Variants in IGSF11 observed in about 807,000 individuals in gnomAD.
The protein encoded by IGSF11 is immunoglobulin superfamily member 11, also known as CXADR like 1.
Under a neutral mutation model 41.0 loss-of-function variants are expected in IGSF11, and 22 were observed. That is an observed-to-expected ratio of 0.54 (90% CI 0.38 to 0.77). The LOEUF is 0.77. Among genes scored for constraint, IGSF11 ranks in the 30% least tolerant of loss-of-function variants. The pLI, the probability that IGSF11 is intolerant of heterozygous loss-of-function variation, is 0.00. For synonymous variants in IGSF11, 219 were observed against 201.3 expected (o/e 1.09, Z -0.74); for missense variants, 444 against 530.8 (o/e 0.84, Z 1.61).
upstream of IGSF11, among the ~76,000 whole-genome samples, chr3:119,038,999 A>G (rs12628991): frequency 0.17 from 26,551 of 152,176 alleles, 2,822 homozygotes; most frequent in South Asian, 0.29. Context: ...AAGGCTGCAC[A>G]AAGGAAGGAA....
intron 1 of IGSF11, among the ~76,000 whole-genome samples, chr3:118,995,442 T>G (rs1435733639): frequency 1.3e-5 from 2 of 152,150 alleles, no homozygotes; most frequent in African/African-American, 4.8e-5. Context: ...AAGAGAGGTA[T>G]TAATAATAAC....
intron 1 of IGSF11, among the ~76,000 whole-genome samples, chr3:118,986,255 C>A (rs1935246871): frequency 6.6e-6 from 1 of 152,150 alleles, no homozygotes; most frequent in African/African-American, 2.4e-5. Flanking sequence ...GCAGAGGAAC[C>A]AGTCATGCCT....
At chr3:118,993,332 A>T (rs1185460496) in intron 1 of IGSF11, among the ~76,000 whole-genome samples, 1 of 152,246 alleles carries the variant, frequency 6.6e-6, no homozygotes, top group Non-Finnish European at 1.5e-5. Flanking sequence ...TTTCAAATCC[A>T]TTAGAATGGC....
At chr3:119,007,376 T>C (rs1576626574) in intron 1 of IGSF11, among the ~76,000 whole-genome samples, 1 of 145,546 alleles carries the variant, frequency 6.9e-6, no homozygotes, top group African/African-American at 2.7e-5. Flanking sequence ...CACTCCCTAG[T>C]GAGATGAACC....
At chr3:119,042,728 A>G (rs1352508683) in intron 1 of IGSF11, among the ~76,000 whole-genome samples, 1 of 152,176 alleles carries the variant, frequency 6.6e-6, no homozygotes, top group African/African-American at 2.4e-5. Context: ...TGAGAGCTCT[A>G]TGGCCCTACC....
intron 1 of IGSF11, among the ~76,000 whole-genome samples, chr3:119,057,149 A>G (rs1473719909): frequency 6.6e-6 from 1 of 152,214 alleles, no homozygotes; most frequent in African/African-American, 2.4e-5. Context: ...AAGGAAATAA[A>G]GGGTATTCAA....
intron 1 of IGSF11, among the ~76,000 whole-genome samples, chr3:118,951,718 CTTATA>C (rs1359280556): frequency 6.6e-6 from 1 of 152,100 alleles, no homozygotes; most frequent in Non-Finnish European, 1.5e-5. Flanking sequence ...GCTTAAGTCT[CTTATA>C]TAAGATGGTA....
intron 1 of IGSF11, among the ~76,000 whole-genome samples, chr3:118,978,193 G>T (rs890912665): frequency 6.6e-6 from 1 of 152,098 alleles, no homozygotes; most frequent in Non-Finnish European, 1.5e-5. Context: ...ACTGCCCGTG[G>T]CACCTGAGCA....
chr3:119,107,503 G>GT (rs1159432533), upstream of IGSF11, among the ~76,000 whole-genome samples: 7 of 152,172 alleles, frequency 4.6e-5, no homozygotes, highest in Non-Finnish European at 7.4e-5. Context: ...TGTCAGGTGA[G>GT]TAGGTTGCGA....
At chr3:119,058,358 A>C (rs1323192088) in intron 1 of IGSF11, among the ~76,000 whole-genome samples, 2 of 152,302 alleles carry the variant, frequency 1.3e-5, no homozygotes, top group East Asian at 1.9e-4. Context: ...ATGCAGCCAA[A>C]AGACACATGA....
intron 1 of IGSF11, among the ~76,000 whole-genome samples, chr3:119,058,975 G>T (rs1233634457): frequency 5.3e-5 from 8 of 151,810 alleles, no homozygotes; most frequent in African/African-American, 1.7e-4. Context: ...GGACTGTTGT[G>T]GGGTGGGGGG....
intron 1 of IGSF11, among the ~76,000 whole-genome samples, chr3:119,030,724 T>C (rs139599921): frequency 1.6e-4 from 24 of 152,242 alleles, no homozygotes; most frequent in Admixed American, 5.9e-4. Context: ...CAAGAGAAGA[T>C]TTCAGATCCT....
chr3:119,073,114 C>G (rs548607459), intron 1 of IGSF11, among the ~76,000 whole-genome samples: 21 of 151,962 alleles, frequency 1.4e-4, no homozygotes, highest in Non-Finnish European at 1.9e-4. Flanking sequence ...TGTTTATAAA[C>G]CTTGAGCTAG....
At position 118,930,149 on chromosome 3, in the gene IGSF11, A is replaced by G; in HGVS notation, c.179T>C (p.Met60Thr). 1 of 1,613,918 alleles carries G rather than the reference A, an allele frequency of 6.2e-7. No homozygotes were observed. The highest frequency in any genetic ancestry group is 1.1e-5 in the South Asian group (1 of 91,028). ...AALINLNVIW[M>T]VTPLSNANQP... The stretch of plus-strand genomic sequence containing the variant: ...GTTGGCATTGGAGAGAGGAGTGACC[A>G]TCCAAATGACATTGAGGTTAATGAG... The change falls in exon 2 of 7, where the codon ATG (methionine) becomes ACG (threonine). Residue 60 changes from methionine to threonine, a missense_variant. Physicochemically the swap from Met to Thr is moderately conservative, Grantham distance 81 (BLOSUM62 -1). This residue lies in a region of IGSF11 where 193 missense variants were observed against 283.5 expected (regional missense o/e 0.68). Coordinates refer to ENST00000393775, the MANE Select transcript of IGSF11 (RefSeq NM_001015887.3).
At chr3:119,000,308 T>G (rs1157804161) in intron 1 of IGSF11, among the ~76,000 whole-genome samples, 1 of 150,650 alleles carries the variant, frequency 6.6e-6, no homozygotes, top group East Asian at 1.9e-4. Flanking sequence ...CACTCTTGAT[T>G]CACAAACTTA....
intron 1 of IGSF11, among the ~76,000 whole-genome samples, chr3:119,016,962 T>A (rs986309737): frequency 5.9e-5 from 8 of 135,606 alleles, no homozygotes; most frequent in Admixed American, 4.8e-4. Flanking sequence ...GGAAGAAGAT[T>A]AAACAAATAG....
At chr3:118,921,917 C>A (rs960526853) in intron 4 of IGSF11, among the ~76,000 whole-genome samples, 6 of 151,846 alleles carry the variant, frequency 4.0e-5, no homozygotes, top group African/African-American at 1.5e-4. Context: ...CATCATGATG[C>A]CCAACTTATT....
chr3:118,934,093 G>T (rs1190920867), intron 1 of IGSF11, among the ~76,000 whole-genome samples: 1 of 152,138 alleles, frequency 6.6e-6, no homozygotes, highest in South Asian at 2.1e-4. Flanking sequence ...GTCCTCACCA[G>T]GGAGGCCCTA....
At chr3:118,987,888 T>C (rs954018497) in intron 1 of IGSF11, among the ~76,000 whole-genome samples, 6 of 152,240 alleles carry the variant, frequency 3.9e-5, no homozygotes, top group African/African-American at 1.4e-4. Context: ...AACTTTCATC[T>C]GTTTTACACA....
Sources: gnomAD v4.1 joint callset for allele counts (sites outside exome capture counted in the v4.1 genomes callset) on GRCh38, gnomAD v4.1.1 for gene constraint, gnomAD v4.1.1 regional missense constraint, MANE v1.5 for transcripts, NCBI Gene and HGNC (gene_info 2026-07-23, HGNC 2026-07-21) for gene names.